Variants in ZBTB20 observed in about 807,000 individuals in gnomAD.
ZBTB20 encodes zinc finger and BTB domain-containing protein 20.
A neutral mutation model predicts 56.9 loss-of-function variants in ZBTB20; 9 were observed. The ratio of observed to expected loss-of-function variants is 0.16; its 90% CI spans 0.10 to 0.28. The LOEUF is 0.28. Ranked by LOEUF, ZBTB20 falls within the 10% of genes least tolerant of loss-of-function variation. The probability of loss-of-function intolerance (pLI) is 1.00; values close to 1 mark genes in which losing one functional copy is unlikely to be tolerated. For synonymous variants in ZBTB20, 417 were observed against 420.7 expected (o/e 0.99, Z 0.11); for missense variants, 655 against 1,003.0 (o/e 0.65, Z 4.69).
intron 6 of ZBTB20, among the ~76,000 whole-genome samples, chr3:114,540,406 A>T (rs751571476): frequency 1.3e-5 from 2 of 152,124 alleles, no homozygotes. Context: ...TTTATTTGAG[A>T]GTATCTGGTT....
intron 6 of ZBTB20, among the ~76,000 whole-genome samples, chr3:114,608,342 T>C (rs958873505): frequency 1.3e-5 from 2 of 152,186 alleles, no homozygotes; most frequent in Non-Finnish European, 2.9e-5. Context: ...ATCATACCAA[T>C]TGACTAGTTT....
intron 7 of ZBTB20, among the ~76,000 whole-genome samples, chr3:114,462,210 T>C (rs2109142415): frequency 6.6e-6 from 1 of 152,300 alleles, no homozygotes; most frequent in Non-Finnish European, 1.5e-5. Context: ...TCATATTAAC[T>C]AGGGCTCCCA....
chr3:114,994,900 G>A (rs1224690983), intron 2 of ZBTB20, among the ~76,000 whole-genome samples: 1 of 151,840 alleles, frequency 6.6e-6, no homozygotes, highest in Non-Finnish European at 1.5e-5. Context: ...ATATTGCTAC[G>A]TTTCTCTTAA....
intron 5 of ZBTB20, among the ~76,000 whole-genome samples, chr3:114,739,628 A>G (rs1206722435): frequency 6.6e-6 from 1 of 152,252 alleles, no homozygotes; most frequent in Non-Finnish European, 1.5e-5. Flanking sequence ...TGAAGGCTGT[A>G]TCTGTATATA....
intron 2 of ZBTB20, among the ~76,000 whole-genome samples, chr3:115,061,864 T>C (rs1173233957): frequency 6.6e-6 from 1 of 152,224 alleles, no homozygotes; most frequent in Non-Finnish European, 1.5e-5. Flanking sequence ...AGTGTGATTA[T>C]ATCTGAGTAT....
chr3:114,577,346 C>G (rs914503373), intron 6 of ZBTB20, among the ~76,000 whole-genome samples: 3 of 151,600 alleles, frequency 2.0e-5, no homozygotes, highest in Admixed American at 1.3e-4. Context: ...TTGTGAAAAA[C>G]TCAATATCTG....
chr3:115,047,692 T>A (rs918093917), intron 2 of ZBTB20, among the ~76,000 whole-genome samples: 15 of 152,290 alleles, frequency 9.8e-5, no homozygotes, highest in Non-Finnish European at 1.9e-4. Context: ...CCGGACATAT[T>A]ATATACTGTA....
chr3:114,335,368 A>C lies in ZBTB20; in HGVS notation c.*3637T>G, dbSNP rs1462105908. The C allele has an allele frequency of 6.6e-6, 1 of 151,844 alleles. No homozygotes were observed. The highest frequency in any genetic ancestry group is 1.5e-5 in the Non-Finnish European group (1 of 67,918). 9.4% of individuals were successfully genotyped at this position (151,844 alleles called of 1,614,324 possible). ...GATGACTGTAGGACTTGAAACAAAA[A>C]AAAATTAAAAAGATCCACACTCATT... On this transcript the variant is annotated 3_prime_UTR_variant, in exon 12 of 12. Coordinates refer to ENST00000675478, the MANE Select transcript of ZBTB20 (RefSeq NM_001348800.3).
chr3:115,118,461 T>G (rs2084084107), intron 1 of ZBTB20, among the ~76,000 whole-genome samples: 2 of 152,166 alleles, frequency 1.3e-5, no homozygotes. Flanking sequence ...ACTGTTGAAT[T>G]AAATCCTCAC....
chr3:114,844,607 A>G (rs2074592831), intron 4 of ZBTB20, among the ~76,000 whole-genome samples: 1 of 149,356 alleles, frequency 6.7e-6, no homozygotes, highest in Admixed American at 6.7e-5. Context: ...TAACATGGTA[A>G]ACATACATTT....
chr3:114,454,127 G>T (rs2091828280), intron 7 of ZBTB20, among the ~76,000 whole-genome samples: 1 of 150,386 alleles, frequency 6.6e-6, no homozygotes, highest in African/African-American at 2.5e-5. Flanking sequence ...AGAGGGATGG[G>T]GGGCAGAGAG....
intron 2 of ZBTB20, among the ~76,000 whole-genome samples, chr3:115,045,486 C>T (rs2081300125): frequency 6.6e-6 from 1 of 151,630 alleles, no homozygotes; most frequent in Non-Finnish European, 1.5e-5. Flanking sequence ...AGAAACTACA[C>T]CTTTCTACAA....
At chr3:114,531,425 G>A (rs969627559) in intron 6 of ZBTB20, among the ~76,000 whole-genome samples, 4 of 152,154 alleles carry the variant, frequency 2.6e-5, no homozygotes, top group South Asian at 2.1e-4. Context: ...TTACTACTAT[G>A]AATTTCTTTA....
chr3:115,060,459 T>C (rs1008223022), intron 2 of ZBTB20, among the ~76,000 whole-genome samples: 7 of 152,306 alleles, frequency 4.6e-5, no homozygotes, highest in African/African-American at 1.7e-4. Context: ...CCGGGATCCA[T>C]GCTGAGAGGA....
chr3:114,825,333 T>C (rs2073469810), intron 4 of ZBTB20, among the ~76,000 whole-genome samples: 1 of 151,926 alleles, frequency 6.6e-6, no homozygotes, highest in African/African-American at 2.4e-5. Context: ...TTAAGTAGGG[T>C]TCTACCAAGG....
intron 5 of ZBTB20, among the ~76,000 whole-genome samples, chr3:114,703,198 C>T (rs750973240): frequency 6.6e-6 from 1 of 152,152 alleles, no homozygotes; most frequent in Non-Finnish European, 1.5e-5. Context: ...TATTGCTTCG[C>T]CCTTCCCTCC....
In ZBTB20 at chr3:114,867,835, C is replaced by T. The variant is rs1040393027; in HGVS notation, c.-417+32469G>A. Among the ~76,000 whole-genome samples, 8 of 152,262 alleles carry T rather than the reference C, an allele frequency of 5.3e-5. No individual in the cohort carries two copies. The East Asian group carries it at 1.5e-3, about 29-fold the overall frequency. ...GGTTAGGTCCCTGAAGTTTTCAGGT[C>T]TAAACATGCTGGAGATGGCAATTAA... On this transcript the variant is annotated intron_variant, in intron 4 of 11. Transcript: ENST00000675478.
intron 2 of ZBTB20, among the ~76,000 whole-genome samples, chr3:115,061,210 A>AT (rs1212334813): frequency 1.3e-5 from 2 of 152,150 alleles, no homozygotes; most frequent in Admixed American, 1.3e-4. Flanking sequence ...TGATTATTAA[A>AT]TGAGAATAAG....
chr3:115,051,067 T>G (rs528516157), intron 2 of ZBTB20, among the ~76,000 whole-genome samples: 3 of 152,078 alleles, frequency 2.0e-5, no homozygotes, highest in Non-Finnish European at 4.4e-5. Context: ...AACGGAAATT[T>G]TATAATACTA....
Sources: allele counts gnomAD v4.1 joint callset (sites outside exome capture counted in the v4.1 genomes callset), GRCh38; gene constraint gnomAD v4.1.1; transcripts MANE v1.5; gene names NCBI Gene and HGNC (gene_info 2026-07-23, HGNC 2026-07-21).